The following EIF2B1 variants were observed in gnomAD, a reference collection of about 807,000 sequenced individuals.
EIF2B1 encodes translation initiation factor eIF2B subunit alpha.
A neutral mutation model predicts 36.8 loss-of-function variants in EIF2B1; 30 were observed. The observed-to-expected ratio is 0.81, with a 90% CI of 0.61 to 1.10. The LOEUF (loss-of-function observed/expected upper bound fraction) is 1.10. EIF2B1 is among the 50% of genes least tolerant of loss of function. The pLI, the probability that EIF2B1 is intolerant of heterozygous loss-of-function variation, is 0.00. For missense variants in EIF2B1, 271 were observed against 374.8 expected (o/e 0.72, Z 2.29); for synonymous variants, 139 against 142.2 (o/e 0.98, Z 0.16).
In EIF2B1 at chr12:123,621,419, C is replaced by A. The variant is rs979370375; in HGVS notation, c.*337G>T. ...TGCATCTCGCGTGCTTTAGGCAGAT[C>A]AGTCTGGAGTGCAGGGGAGGATGAA... On this transcript the variant is annotated 3_prime_UTR_variant, in exon 9 of 9. Coordinates refer to ENST00000424014, the MANE Select transcript of EIF2B1 (RefSeq NM_001414.4). 2.4e-5 allele frequency: 9 copies of A among 371,126 alleles called. 1 individual carries two copies. Among genetic ancestry groups the A allele is most frequent in the South Asian group, 1.9e-4 (9 of 46,408 alleles). The allele number at this position is 371,126 out of a possible 1,614,324, so 23.0% of individuals were successfully genotyped here. A position where few individuals can be genotyped will look rare whatever the true frequency, so the allele number is the denominator to read the frequency against.
intron 7 of EIF2B1, 115 bp downstream of exon 7, chr12:123,624,672 G>A: frequency 2.3e-6 from 2 of 880,208 alleles, no homozygotes; most frequent in East Asian, 5.1e-5. Context: ...CCATGATGAA[G>A]TCCTGAAGTG....
intron 1 of EIF2B1, 23 bp downstream of exon 1, chr12:123,633,522 A>C: frequency 6.2e-7 from 1 of 1,613,880 alleles, no homozygotes; most frequent in South Asian, 1.1e-5. Flanking sequence ...GTAGCCTAGC[A>C]GCCCTGGCCT....
At chr12:123,627,290 G>A in intron 4 of EIF2B1, 134 bp from the exon 5 acceptor site, 1 of 766,334 alleles carries the variant, frequency 1.3e-6, no homozygotes, top group Non-Finnish European at 2.3e-6. Flanking sequence ...AACCAGAAAG[G>A]AGACCTGATG....
intron 2 of EIF2B1, 74 bp downstream of exon 2, chr12:123,632,271 A>T (rs112323656): frequency 0.011 from 3,540 of 315,318 alleles, 5 homozygotes; most frequent in Non-Finnish European, 0.016. Context: ...CCGTCTCTTT[A>T]AAAAAAAAAA....
At chr12:123,631,489 A>G (rs1036213144) in intron 2 of EIF2B1, among the ~76,000 whole-genome samples, 3 of 152,146 alleles carry the variant, frequency 2.0e-5, no homozygotes, top group South Asian at 2.1e-4. Context: ...TGTGGCCAAC[A>G]TGGTGAAACC....
At chr12:123,626,119 C>T (rs915691610) in intron 6 of EIF2B1, 25 of 386,512 alleles carry the variant, frequency 6.5e-5, no homozygotes, top group African/African-American at 3.9e-4. Context: ...GGCAACAGGG[C>T]AAGACTCCAT....
At chr12:123,627,360 G>A (rs560085573) in intron 4 of EIF2B1, among the ~76,000 whole-genome samples, 2 of 152,328 alleles carry the variant, frequency 1.3e-5, no homozygotes, top group South Asian at 4.1e-4. Flanking sequence ...ACATCCTGTA[G>A]CAGGTGCAGA....
rs914409377 is a variant in EIF2B1, at chr12:123,626,426, C to T, written c.550G>A (p.Gly184Ser). The T allele has an allele frequency of 1.4e-5, 23 of 1,614,074 alleles. No homozygotes were observed. The highest frequency in any genetic ancestry group is 1.6e-4 in the Middle Eastern group (1 of 6,062). The part of the protein sequence containing the change: ...PVTVVLDAAV[G>S]YIMEKADLVI... The stretch of plus-strand genomic sequence containing the variant: ...TGGCTGGGGAAGATGGGCACTCACC[C>T]GACAGCAGCATCTAGCACCACAGTG... Residue 184 changes from glycine (G) to serine (S), a missense_variant and splice_region_variant, in exon 6 of 9, where the codon GGC (glycine) becomes AGC (serine). Physicochemically the swap from Gly to Ser is moderately conservative, Grantham distance 56. Coordinates refer to ENST00000424014, the MANE Select transcript of EIF2B1 (RefSeq NM_001414.4).
At chr12:123,626,730 GA>G in intron 5 of EIF2B1, 1 of 638,012 alleles carries the variant, frequency 1.6e-6, no homozygotes, top group Non-Finnish European at 2.8e-6. Context: ...AGGAAAAAAG[GA>G]GGAAGTTTTG....
Position 123,620,753 on chromosome 12 carries a change from G to T in EIF2B1, c.*1003C>A, listed in dbSNP as rs1216523185. On this transcript the variant is annotated 3_prime_UTR_variant, in exon 9 of 9. Coordinates refer to ENST00000424014, the MANE Select transcript of EIF2B1 (RefSeq NM_001414.4). ...GGCATTTGACCTCCTGAATGTGCTT[G>T]GCCCTGGGCTTCAGTTATCCTTTGA... The T allele has an allele frequency of 2.0e-5, 3 of 151,328 alleles. No homozygotes were observed. Among genetic ancestry groups the T allele is most frequent in the African/African-American group, 7.3e-5 (3 of 41,164 alleles). The allele number at this position is 151,328 out of a possible 1,614,324, so 9.4% of individuals were successfully genotyped here.
In EIF2B1 at chr12:123,621,732, C is replaced by T. The variant is rs1171467502; in HGVS notation, c.*24G>A. The T allele has an allele frequency of 1.9e-6, 3 of 1,612,926 alleles. No individual in the cohort carries two copies. The highest frequency in any genetic ancestry group is 2.5e-6 in the Non-Finnish European group (3 of 1,180,004). On this transcript the variant is annotated 3_prime_UTR_variant, in exon 9 of 9. Coordinates refer to ENST00000424014, the MANE Select transcript of EIF2B1 (RefSeq NM_001414.4). ...CCCTGCCTCAACTACGTAAGCTGCACCTTGGCAGGAAAGGGCTCACAGGTT... is the reference window on the plus strand; with the variant it reads ...CCCTGCCTCAACTACGTAAGCTGCATCTTGGCAGGAAAGGGCTCACAGGTT...
At chr12:123,631,423 A>G (rs772790945) in intron 2 of EIF2B1, among the ~76,000 whole-genome samples, 5 of 152,184 alleles carry the variant, frequency 3.3e-5, no homozygotes, top group Non-Finnish European at 5.9e-5. Flanking sequence ...CTGTAATCTC[A>G]GCACTTTGGG....
chr12:123,621,172 G>A lies in EIF2B1; in HGVS notation c.*584C>T, dbSNP rs1955090070. 6.0e-6 allele frequency: 1 copy of A among 165,408 alleles called. No individual in the cohort carries two copies. The highest frequency in any genetic ancestry group is 5.7e-5 in the Admixed American group (1 of 17,566). The allele number at this position is 165,408 out of a possible 1,614,324, so 10.2% of individuals were successfully genotyped here. A position where few individuals can be genotyped will look rare whatever the true frequency, so the allele number is the denominator to read the frequency against. On this transcript the variant is annotated 3_prime_UTR_variant, in exon 9 of 9. Transcript: ENST00000424014. Reference sequence around the variant, plus strand: ...AATATTCCAGAAGGCATTTTCTTAAGCAGTGAACCATGCAGAATACTGTTG... The same window carrying A: ...AATATTCCAGAAGGCATTTTCTTAAACAGTGAACCATGCAGAATACTGTTG...
Position 123,630,172 on chromosome 12 carries a change from T to G in EIF2B1, c.366A>C (p.Gly122=). 1.2e-6 allele frequency: 2 copies of G among 1,613,502 alleles called. No homozygotes were observed. Among genetic ancestry groups the G allele is most frequent in the Non-Finnish European group, 1.7e-6 (2 of 1,179,686 alleles). ...ACCATGATGATTATCCACTCACCGCTCCATCTTTGATGAAAGTATGGCACA... is the reference window on the plus strand; with the variant it reads ...ACCATGATGATTATCCACTCACCGCGCCATCTTTGATGAAAGTATGGCACA... ...ADLCHTFIKD[G]ATILTHAYSR... Residue 122 remains glycine (G), a synonymous_variant, in exon 4 of 9, where the codon GGA becomes GGC. Transcript: ENST00000424014. This position sits in a 1 kb window ranked among gnomAD's most constrained non-coding sequence, Gnocchi z 4.6.
At position 123,633,666 on chromosome 12, in the gene EIF2B1, T is replaced by G; in HGVS notation, c.-109A>C. ...CCAGTCTGACAGCGCGCTGCACACC[T>G]CCGCACCCCACTTCCGGCGCACTTC... On this transcript the variant is annotated 5_prime_UTR_variant, in exon 1 of 9. Coordinates refer to ENST00000424014, the MANE Select transcript of EIF2B1 (RefSeq NM_001414.4). The G allele has an allele frequency of 6.5e-7, 1 of 1,539,120 alleles. No individual in the cohort carries two copies. The highest frequency in any genetic ancestry group is 8.9e-7 in the Non-Finnish European group (1 of 1,126,336).
chr12:123,626,285 T>C, intron 6 of EIF2B1, 140 bp downstream of exon 6: 1 of 939,458 alleles, frequency 1.1e-6, no homozygotes. Flanking sequence ...GCTTGCTGGT[T>C]TAGGGCAGCT....
Position 123,626,433 on chromosome 12 carries a change from A to T in EIF2B1, c.543T>A (p.Ala181=). 1 of 1,614,168 alleles carries T rather than the reference A, an allele frequency of 6.2e-7. No individual in the cohort carries two copies. Among genetic ancestry groups the T allele is most frequent in the Non-Finnish European group, 8.5e-7 (1 of 1,179,998 alleles). The change falls in exon 6 of 9, where the codon GCT becomes GCA. Residue 181 remains alanine, a synonymous_variant. Transcript: ENST00000424014. ...GGAAGATGGGCACTCACCCGACAGC[A>T]GCATCTAGCACCACAGTGACAGGGA... ...LNVPVTVVLD[A]AVGYIMEKAD...
Position 123,621,564 on chromosome 12 carries a change from A to G in EIF2B1, c.*192T>C. 1.5e-6 allele frequency: 1 copy of G among 674,926 alleles called. No homozygotes were observed. The highest frequency in any genetic ancestry group is 2.5e-6 in the Non-Finnish European group (1 of 396,656). The allele number at this position is 674,926 out of a possible 1,614,324, so 41.8% of individuals were successfully genotyped here. A position where few individuals can be genotyped will look rare whatever the true frequency, so the allele number is the denominator to read the frequency against. On this transcript the variant is annotated 3_prime_UTR_variant, in exon 9 of 9. Transcript: ENST00000424014. ...AAGAACAATTTAAGTTGGGATTTAG[A>G]ATAGCTGACACATTTTTAGATGGGA...
chr12:123,626,592 C>T, intron 5 of EIF2B1, 99 bp from the exon 6 acceptor site: 1 of 1,334,206 alleles, frequency 7.5e-7, no homozygotes, highest in Non-Finnish European at 1.1e-6. Context: ...TTGAAACTCA[C>T]ATTAATACTA....
Sources: gnomAD v4.1 joint callset for allele counts (sites outside exome capture counted in the v4.1 genomes callset) on GRCh38, gnomAD v4.1.1 for gene constraint, Gnocchi (gnomAD v3.1) non-coding constraint, MANE v1.5 for transcripts, NCBI Gene and HGNC (gene_info 2026-07-23, HGNC 2026-07-21) for gene names.